The following EFNA5 variants were observed in gnomAD, a reference collection of about 807,000 sequenced individuals.
EFNA5 encodes the protein ephrin-A5.
A neutral mutation model predicts 22.9 loss-of-function variants in EFNA5; 5 were observed. That is an observed-to-expected ratio of 0.22 (90% CI 0.11 to 0.46). EFNA5 has a LOEUF of 0.46. EFNA5 is among the 20% of genes least tolerant of loss of function. The pLI is 0.99. For synonymous variants in EFNA5, 113 were observed against 112.2 expected, an observed-to-expected ratio of 1.01 and a Z score of -0.04; for missense variants, 237 against 293.3, an observed-to-expected ratio of 0.81 and a Z score of 1.40.
intron 1 of EFNA5, among the ~76,000 whole-genome samples, chr5:107,590,108 C>T (rs557185148): frequency 1.3e-5 from 2 of 152,070 alleles, no homozygotes; most frequent in East Asian, 1.9e-4. Flanking sequence ...GTTTCCTCAT[C>T]GGTATAAAGA....
intron 1 of EFNA5, among the ~76,000 whole-genome samples, chr5:107,611,169 C>T (rs538974282): frequency 6.6e-5 from 10 of 152,076 alleles, no homozygotes; most frequent in South Asian, 2.1e-4. Flanking sequence ...CACTCCACCA[C>T]GCATATGAAG....
At chr5:107,567,273 A>G (rs1381953580) in intron 1 of EFNA5, among the ~76,000 whole-genome samples, 1 of 152,190 alleles carries the variant, frequency 6.6e-6, no homozygotes, top group Non-Finnish European at 1.5e-5. Context: ...AAGATGAAAT[A>G]AATCTTTAAA....
chr5:107,665,258 G>A (rs1481864167), intron 1 of EFNA5, among the ~76,000 whole-genome samples: 4 of 152,170 alleles, frequency 2.6e-5, no homozygotes, highest in South Asian at 2.1e-4. Context: ...AAAAGGAGGC[G>A]CCCATCTTTA....
chr5:107,646,250 T>C (rs932920923), intron 1 of EFNA5, among the ~76,000 whole-genome samples: 2 of 152,192 alleles, frequency 1.3e-5, no homozygotes, highest in African/African-American at 4.8e-5. Flanking sequence ...AGGGATAGAT[T>C]GGATAAACTG....
At chr5:107,617,007 G>A (rs1749930816) in intron 1 of EFNA5, among the ~76,000 whole-genome samples, 1 of 151,968 alleles carries the variant, frequency 6.6e-6, no homozygotes, top group South Asian at 2.1e-4. Context: ...GTTTTGTGGA[G>A]GAAACTCTGA....
chr5:107,455,268 C>A (rs999659359), intron 1 of EFNA5, among the ~76,000 whole-genome samples: 7 of 152,166 alleles, frequency 4.6e-5, no homozygotes, highest in African/African-American at 1.7e-4. Flanking sequence ...TTGCCATCAA[C>A]AAATGATTGA....
chr5:107,443,539 CTG>C (rs1327289943), intron 1 of EFNA5, among the ~76,000 whole-genome samples: 1 of 152,182 alleles, frequency 6.6e-6, no homozygotes, highest in Non-Finnish European at 1.5e-5. Context: ...GGCAGATGAT[CTG>C]TGACTGCCCT....
At chr5:107,513,334 C>T (rs964749840) in intron 1 of EFNA5, among the ~76,000 whole-genome samples, 2 of 152,088 alleles carry the variant, frequency 1.3e-5, no homozygotes, top group Non-Finnish European at 2.9e-5. Flanking sequence ...CTTGGGAGCT[C>T]AATTAATAAT....
chr5:107,453,965 G>A (rs202240237), intron 1 of EFNA5, among the ~76,000 whole-genome samples: 2 of 144,226 alleles, frequency 1.4e-5, no homozygotes, highest in Non-Finnish European at 3.0e-5. Context: ...GTGTGTGTGT[G>A]TATGTGTGTG....
At chr5:107,476,516 C>G (rs1750314335) in intron 1 of EFNA5, among the ~76,000 whole-genome samples, 1 of 152,084 alleles carries the variant, frequency 6.6e-6, no homozygotes, top group African/African-American at 2.4e-5. Flanking sequence ...CCCTTCTATT[C>G]CTGCTGTTTC....
intron 1 of EFNA5, among the ~76,000 whole-genome samples, chr5:107,632,796 G>A (rs1204050400): frequency 1.3e-5 from 2 of 152,062 alleles, no homozygotes; most frequent in Non-Finnish European, 2.9e-5. Flanking sequence ...ACTATTATAG[G>A]AGATCTCCAA....
At chr5:107,392,007 T>C (rs1050524503) in intron 2 of EFNA5, among the ~76,000 whole-genome samples, 9 of 152,210 alleles carry the variant, frequency 5.9e-5, no homozygotes, top group African/African-American at 1.9e-4. Context: ...CAACTTGGTA[T>C]AGAAAATGAC....
intron 1 of EFNA5, among the ~76,000 whole-genome samples, chr5:107,593,071 A>G (rs373291370): frequency 3.9e-4 from 59 of 152,346 alleles, no homozygotes; most frequent in African/African-American, 1.3e-3. Flanking sequence ...ATCTCTGCTC[A>G]TGCTCCTAGT....
At chr5:107,515,406 G>C (rs1164242926) in intron 1 of EFNA5, among the ~76,000 whole-genome samples, 1 of 143,034 alleles carries the variant, frequency 7.0e-6, no homozygotes, top group Admixed American at 7.1e-5. Context: ...TTGAGATGGA[G>C]TCTTGCTGTG....
At chr5:107,594,414 G>T (rs1749434424) in intron 1 of EFNA5, among the ~76,000 whole-genome samples, 1 of 152,144 alleles carries the variant, frequency 6.6e-6, no homozygotes. Context: ...CCAAGGCAGG[G>T]GGCAGGAGGA....
intron 1 of EFNA5, among the ~76,000 whole-genome samples, chr5:107,442,026 A>G (rs1211975725): frequency 6.6e-6 from 1 of 152,136 alleles, no homozygotes; most frequent in African/African-American, 2.4e-5. Context: ...ATCCTAACTC[A>G]CCACTCCTTG....
chr5:107,570,912 A>G (rs1748788217), intron 1 of EFNA5, among the ~76,000 whole-genome samples: 2 of 152,190 alleles, frequency 1.3e-5, no homozygotes, highest in South Asian at 4.1e-4. Context: ...GGCTTCTGCT[A>G]AAAACAAACG....
chr5:107,407,333 A>G (rs1278421358), intron 2 of EFNA5, among the ~76,000 whole-genome samples: 2 of 152,212 alleles, frequency 1.3e-5, no homozygotes, highest in Non-Finnish European at 1.5e-5. Context: ...ATCATCAATG[A>G]CCACTTTCGC....
chr5:107,519,432 A>G (rs902192504), intron 1 of EFNA5, among the ~76,000 whole-genome samples: 2 of 152,226 alleles, frequency 1.3e-5, no homozygotes, highest in Non-Finnish European at 2.9e-5. Context: ...AGGTCACACC[A>G]GGTTTTCCTA....
Sources: allele counts gnomAD v4.1 joint callset (sites outside exome capture counted in the v4.1 genomes callset), GRCh38; gene constraint gnomAD v4.1.1; transcripts MANE v1.5; gene names NCBI Gene and HGNC (gene_info 2026-07-23, HGNC 2026-07-21).